Variants in SLC6A3 observed in about 807,000 individuals in gnomAD.
SLC6A3 encodes the protein sodium-dependent dopamine transporter.
A neutral mutation model predicts 70.4 loss-of-function variants in SLC6A3; 19 were observed. The ratio of observed to expected loss-of-function variants is 0.27; its 90% CI spans 0.19 to 0.40. SLC6A3 has a LOEUF of 0.40. Among genes scored for constraint, SLC6A3 ranks in the 10% least tolerant of loss-of-function variants. The probability of loss-of-function intolerance (pLI) is 1.00; values close to 1 mark genes in which losing one functional copy is unlikely to be tolerated. For missense variants in SLC6A3, 613 were observed against 838.5 expected (o/e 0.73, Z 3.32); for synonymous variants, 368 against 356.6 (o/e 1.03, Z -0.36).
Position 1,414,728 on chromosome 5 carries a change from C to T in SLC6A3, c.1119G>A (p.Gln373=). The change falls in exon 8 of 15, where the codon CAG becomes CAA. Residue 373 remains glutamine (Q), a synonymous_variant. Coordinates refer to ENST00000270349, the MANE Select transcript of SLC6A3 (RefSeq NM_001044.5). ...CGTCCCCGATGGGCACACTGTGCTT[C>T]TGTGCCATGTACCCCAGGAAGGAGA... The part of the protein sequence containing the change: ...VVFSFLGYMA[Q]KHSVPIGDVA... 6.2e-7 allele frequency: 1 copy of T among 1,612,744 alleles called. No homozygotes were observed.
chr5:1,414,694 C>T lies in SLC6A3; in HGVS notation c.1153G>A (p.Asp385Asn). The change falls in exon 8 of 15, where the codon GAC (aspartate) becomes AAC (asparagine). Residue 385 changes from aspartate to asparagine, a missense_variant. Physicochemically the swap from Asp to Asn is conservative, Grantham distance 23. Around this residue, in one of 4 missense-constraint regions of SLC6A3, gnomAD observed 348 missense variants for 481.2 expected, o/e 0.72. Transcript: ENST00000270349. ...AGGTGCAGCAGGAGGGGCTCACCGT[C>T]CTTGGCCACGTCCCCGATGGGCACA... ...HSVPIGDVAK[D>N]GPGLIFIIYP... The T allele has an allele frequency of 1.2e-6, 2 of 1,612,444 alleles. No individual in the cohort carries two copies. Among genetic ancestry groups the T allele is most frequent in the Non-Finnish European group, 8.5e-7 (1 of 1,179,750 alleles).
At position 1,406,050 on chromosome 5, in the gene SLC6A3, G is replaced by A. The variant is rs1170513034; in HGVS notation, c.1599+138C>T. 1.4e-6 allele frequency: 1 copy of A among 721,426 alleles called. No individual in the cohort carries two copies. Among genetic ancestry groups the A allele is most frequent in the Non-Finnish European group, 2.5e-6 (1 of 392,634 alleles). 44.7% of individuals were successfully genotyped at this position (721,426 alleles called of 1,614,324 possible). On this transcript the variant is annotated intron_variant, in intron 12 of 14. Transcript: ENST00000270349. The surrounding 1 kb of genome is among the most constrained non-coding windows in gnomAD (Gnocchi z 8.8). ...TATAGATGAGTTCAGGGATCAGCCT[G>A]TCCTTCTGGGCCGAGTCTTGAGGCC...
At chr5:1,444,780 C>T (rs1733759028) in intron 1 of SLC6A3, among the ~76,000 whole-genome samples, 1 of 152,222 alleles carries the variant, frequency 6.6e-6, no homozygotes, top group Non-Finnish European at 1.5e-5. Flanking sequence ...TGGGTCTACA[C>T]AGCAAAATGT....
intron 12 of SLC6A3, among the ~76,000 whole-genome samples, chr5:1,403,625 C>T (rs868373292): frequency 6.6e-6 from 1 of 152,014 alleles, no homozygotes; most frequent in Non-Finnish European, 1.5e-5. Context: ...AACTGACCAC[C>T]ACCCAGTACA....
intron 3 of SLC6A3, among the ~76,000 whole-genome samples, chr5:1,440,436 T>C (rs1482903978): frequency 2.6e-5 from 4 of 152,062 alleles, no homozygotes; most frequent in Non-Finnish European, 5.9e-5. Flanking sequence ...GATAGGTGGA[T>C]GGATCAAAAG....
In SLC6A3 at chr5:1,438,450, T is replaced by G. The variant is rs1280143035; in HGVS notation, c.418+2909A>C. Reference sequence around the variant, plus strand: ...GCCCACATCCGCCGGCTGCATTTCTTCAGAACGAGGTGCCACTGCTCACGC... The same window carrying G: ...GCCCACATCCGCCGGCTGCATTTCTGCAGAACGAGGTGCCACTGCTCACGC... On this transcript the variant is annotated intron_variant, in intron 3 of 14. Transcript: ENST00000270349. This position sits in a 1 kb window ranked among gnomAD's most constrained non-coding sequence, Gnocchi z 6.5. Among the ~76,000 whole-genome samples, 1 of 152,240 alleles carries G rather than the reference T, an allele frequency of 6.6e-6. No homozygotes were observed. Among genetic ancestry groups the G allele is most frequent in the Admixed American group, 6.5e-5 (1 of 15,288 alleles).
At chr5:1,444,127 G>T (rs916063515) in intron 1 of SLC6A3, among the ~76,000 whole-genome samples, 4 of 152,174 alleles carry the variant, frequency 2.6e-5, no homozygotes, top group East Asian at 1.9e-4. Flanking sequence ...CATCCACCTA[G>T]GGCAGGTGGC....
Position 1,394,608 on chromosome 5 carries a change from T to A in SLC6A3, c.*127A>T. The A allele has an allele frequency of 1.1e-6, 1 of 932,168 alleles. No individual in the cohort carries two copies. The highest frequency in any genetic ancestry group is 2.4e-5 in the East Asian group (1 of 41,882). The allele number at this position is 932,168 out of a possible 1,614,324, so 57.7% of individuals were successfully genotyped here. A position where few individuals can be genotyped will look rare whatever the true frequency, so the allele number is the denominator to read the frequency against. ...AAGAGAGGAGTCTTCTGCTTTGTTGTTTGTGTTTTCAGTAGAGGTTGAAGA... is the reference window on the plus strand; with the variant it reads ...AAGAGAGGAGTCTTCTGCTTTGTTGATTGTGTTTTCAGTAGAGGTTGAAGA... On this transcript the variant is annotated 3_prime_UTR_variant, in exon 15 of 15. Coordinates refer to ENST00000270349, the MANE Select transcript of SLC6A3 (RefSeq NM_001044.5). This position sits in a 1 kb window ranked among gnomAD's most constrained non-coding sequence, Gnocchi z 4.7.
chr5:1,415,457 C>T (rs1214795302), intron 7 of SLC6A3, among the ~76,000 whole-genome samples: 1 of 152,186 alleles, frequency 6.6e-6, no homozygotes, highest in East Asian at 1.9e-4. Context: ...CAGGACCTGC[C>T]TTCCAGCGCC....
intron 4 of SLC6A3, among the ~76,000 whole-genome samples, chr5:1,429,397 CA>C (rs1041437452): frequency 1.3e-5 from 2 of 152,226 alleles, no homozygotes; most frequent in African/African-American, 4.8e-5. Context: ...TACCACGTGC[CA>C]GTGCGGACAG....
chr5:1,395,908 G>A (rs1755706709), intron 14 of SLC6A3, among the ~76,000 whole-genome samples: 1 of 152,226 alleles, frequency 6.6e-6, no homozygotes, highest in Non-Finnish European at 1.5e-5. Context: ...TTAAGATCAA[G>A]CCATAAATGT....
intron 6 of SLC6A3, among the ~76,000 whole-genome samples, chr5:1,417,109 C>T (rs981046490): frequency 6.6e-6 from 1 of 152,072 alleles, no homozygotes; most frequent in Non-Finnish European, 1.5e-5. Context: ...ATCCCATGTG[C>T]GCCCTGCTGC....
chr5:1,431,068 C>T (rs1756689401), intron 4 of SLC6A3, among the ~76,000 whole-genome samples: 1 of 149,922 alleles, frequency 6.7e-6, no homozygotes, highest in South Asian at 2.1e-4. Context: ...GCGCAAACGT[C>T]CTCTCCTCCT....
At chr5:1,414,991 C>T (rs1479474403) in intron 7 of SLC6A3, among the ~76,000 whole-genome samples, 176 bp from the exon 8 acceptor site, 4 of 152,284 alleles carry the variant, frequency 2.6e-5, no homozygotes, top group South Asian at 4.1e-4. Context: ...TGTCCTTGGG[C>T]CACCTTGGTC....
chr5:1,437,251 C>CAAA lies in SLC6A3; in HGVS notation c.418+4105_418+4107dup, dbSNP rs113262982. On this transcript the variant is annotated intron_variant, in intron 3 of 14. Coordinates refer to ENST00000270349, the MANE Select transcript of SLC6A3 (RefSeq NM_001044.5). This position sits in a 1 kb window ranked among gnomAD's most constrained non-coding sequence, Gnocchi z 4.8. ...GGTGACAGAGCGAGATTCCGTCTCACAAAAAAAAAAAAAAAGAAAAGAAAA... is the reference window on the plus strand; with the variant it reads ...GGTGACAGAGCGAGATTCCGTCTCACAAAAAAAAAAAAAAAAAAGAAAAGAAAA... Among the ~76,000 whole-genome samples, 1 of 116,888 alleles carries CAAA rather than the reference C, an allele frequency of 8.6e-6. No individual in the cohort carries two copies. Among genetic ancestry groups the CAAA allele is most frequent in the Non-Finnish European group, 1.8e-5 (1 of 57,016 alleles). 76.7% of individuals were successfully genotyped at this position (116,888 alleles called of 152,430 possible).
chr5:1,431,562 G>A (rs1756704389), intron 4 of SLC6A3, among the ~76,000 whole-genome samples: 1 of 151,466 alleles, frequency 6.6e-6, no homozygotes, highest in South Asian at 2.1e-4. Flanking sequence ...TGGCCGGGGT[G>A]GACGGTGAGG....
At chr5:1,410,785 C>T (rs1056203728) in intron 9 of SLC6A3, among the ~76,000 whole-genome samples, 2 of 152,066 alleles carry the variant, frequency 1.3e-5, no homozygotes, top group South Asian at 2.1e-4. Context: ...CCCTGCTACA[C>T]GTGCATGCAT....
rs191946628 is a variant in SLC6A3, at chr5:1,413,580, A to T, written c.1156+1111T>A. Among the ~76,000 whole-genome samples the T allele has an allele frequency of 6.6e-5, 10 of 152,250 alleles. No individual in the cohort carries two copies. The highest frequency in any genetic ancestry group is 2.4e-4 in the African/African-American group (10 of 41,556). On this transcript the variant is annotated intron_variant, in intron 8 of 14. Transcript: ENST00000270349. The surrounding 1 kb of genome is among the most constrained non-coding windows in gnomAD (Gnocchi z 7.1). Reference sequence around the variant, plus strand: ...GCTTTTCTGAGCACAATCATTCCTCACAAATGTAGTGCCCCCACCCCACCC... The same window carrying T: ...GCTTTTCTGAGCACAATCATTCCTCTCAAATGTAGTGCCCCCACCCCACCC...
rs372722904 is a variant in SLC6A3 at position 1,400,916 on chromosome 5, G to T, written c.1838C>A (p.Thr613Lys). Residue 613 changes from threonine (T) to lysine (K), a missense_variant and splice_region_variant, in exon 14 of 15, where the codon ACG becomes AAG. This residue lies in a region of SLC6A3 where 348 missense variants were observed against 481.2 expected (regional missense o/e 0.72). Coordinates refer to ENST00000270349, the MANE Select transcript of SLC6A3 (RefSeq NM_001044.5). ...LVDRGEVRQF[T>K]LRHWLKV ...GCCCAGCAGGGACCTCGACCTCACC[G>T]TGAACTGGCGCACCTCCCCTCTGTC... 7.6e-6 allele frequency: 12 copies of T among 1,581,622 alleles called. No homozygotes were observed. Among genetic ancestry groups the T allele is most frequent in the Non-Finnish European group, 1.0e-5 (12 of 1,161,030 alleles).
Sources: gnomAD v4.1 joint callset for allele counts (sites outside exome capture counted in the v4.1 genomes callset) on GRCh38, gnomAD v4.1.1 for gene constraint, gnomAD v4.1.1 regional missense constraint, Gnocchi (gnomAD v3.1) non-coding constraint, MANE v1.5 for transcripts, NCBI Gene and HGNC (gene_info 2026-07-23, HGNC 2026-07-21) for gene names.